The following WDR11 variants were observed in gnomAD, a reference collection of about 807,000 sequenced individuals.
The protein encoded by WDR11 is WD repeat domain 11, also known as WD repeat-containing protein 11.
A neutral mutation model predicts 151.2 loss-of-function variants in WDR11; 83 were observed. The ratio of observed to expected loss-of-function variants is 0.55; its 90% CI spans 0.46 to 0.66. The LOEUF is 0.66. WDR11 is among the 30% of genes least tolerant of loss of function. The pLI is 0.00. For synonymous variants in WDR11, 484 were observed against 533.1 expected, an observed-to-expected ratio of 0.91 and a Z score of 1.27; for missense variants, 1,301 against 1,480.9, an observed-to-expected ratio of 0.88 and a Z score of 1.99.
intron 5 of WDR11, among the ~76,000 whole-genome samples, chr10:120,863,527 A>G (rs1025158851): frequency 2.6e-5 from 4 of 152,248 alleles, no homozygotes; most frequent in Admixed American, 6.5e-5. Flanking sequence ...AATGTCATTG[A>G]TACATAGTAA....
At chr10:120,900,251 C>T (rs756709756) in intron 20 of WDR11, 114 bp downstream of exon 20, 167 of 928,308 alleles carry the variant, frequency 1.8e-4, no homozygotes, top group Middle Eastern at 1.5e-3. Context: ...CCTTTAAAGC[C>T]GAGAGAAGGC....
Position 120,901,057 on chromosome 10 carries a change from A to T in WDR11, c.2646A>T (p.Glu882Asp). Residue 882 changes from glutamate (E) to aspartate (D), a missense_variant, in exon 21 of 29, where the codon GAA becomes GAT. By Grantham distance (45) the Glu-to-Asp change is conservative. Coordinates refer to ENST00000263461, the MANE Select transcript of WDR11 (RefSeq NM_018117.12). The stretch of plus-strand genomic sequence containing the variant: ...ACAGTGACTATCCAGAAAATGAAGA[A>T]ATAAAGAATCTCCTCCAAGAACAGT... ...ISHVDYPENEEIKNLLQEQLN... is the reference protein window; with the variant it reads ...ISHVDYPENEDIKNLLQEQLN... The T allele has an allele frequency of 6.2e-7, 1 of 1,613,052 alleles. No individual in the cohort carries two copies. Among genetic ancestry groups the T allele is most frequent in the South Asian group, 1.1e-5 (1 of 91,048 alleles).
At chr10:120,877,510 T>G (rs1302693555) in intron 11 of WDR11, among the ~76,000 whole-genome samples, 1 of 152,084 alleles carries the variant, frequency 6.6e-6, no homozygotes, top group Non-Finnish European at 1.5e-5. Flanking sequence ...GCTCAGCCAT[T>G]TGGGAGCCTG....
At chr10:120,851,781 C>T (rs995109979) in intron 1 of WDR11, 20 of 542,776 alleles carry the variant, frequency 3.7e-5, no homozygotes, top group Non-Finnish European at 5.6e-5. Context: ...CCGTTCCATT[C>T]CTCTCTCTTT....
At chr10:120,893,631 A>G (rs1258125101) in intron 19 of WDR11, among the ~76,000 whole-genome samples, 11 of 151,326 alleles carry the variant, frequency 7.3e-5, no homozygotes, top group Non-Finnish European at 1.3e-4. Context: ...AGTCCCACCA[A>G]CAGTGTAAAA....
At position 120,860,129 on chromosome 10, in the gene WDR11, C is replaced by G; in HGVS notation, c.373C>G (p.Gln125Glu). 6.2e-7 allele frequency: 1 copy of G among 1,614,168 alleles called. No homozygotes were observed. The highest frequency in any genetic ancestry group is 8.5e-7 in the Non-Finnish European group (1 of 1,180,032). ...TCCAGATGTTCAGTGGTTGTGGAAT[C>G]AAGATGCTTCCCGCGATTTACTGCT... is the stretch of plus-strand genomic sequence containing the variant. ...PIQDVQWLWN[Q>E]DASRDLLLAI... Residue 125 changes from glutamine to glutamate, a missense_variant, in exon 4 of 29, where the codon CAA (glutamine) becomes GAA (glutamate). Physicochemically the swap from Gln to Glu is conservative, Grantham distance 29. This residue lies in a region of WDR11 where 692 missense variants were observed against 762.5 expected (regional missense o/e 0.91). Coordinates refer to ENST00000263461, the MANE Select transcript of WDR11 (RefSeq NM_018117.12).
chr10:120,878,808 T>C lies in WDR11; in HGVS notation c.1663+349T>C, dbSNP rs763694782. Among the ~76,000 whole-genome samples the C allele has an allele frequency of 2.6e-5, 4 of 152,318 alleles. No homozygotes were observed. The South Asian group carries it at 8.3e-4, about 32-fold the overall frequency. On this transcript the variant is annotated intron_variant, in intron 12 of 28. Transcript: ENST00000263461. ...CAATGGACTTTATTAGAGTCTGTGC[T>C]GGAAATTTTGGCTTTTATAGGAAAC...
Position 120,905,027 on chromosome 10 carries a change from T to C in WDR11, c.3193+216T>C, listed in dbSNP as rs10886799. ...GAAAGGGGGCACTGTTAATAATTGC[T>C]GAGATAATAGGCATAAATCCAACAA... On this transcript the variant is annotated intron_variant, in intron 25 of 28. Transcript: ENST00000263461. Among the ~76,000 whole-genome samples the C allele has an allele frequency of 0.65, 98,991 of 152,074 alleles. 33,094 individuals carry two copies. The highest frequency in any genetic ancestry group is 0.82 in the African/African-American group (33,859 of 41,504).
Position 120,860,147 on chromosome 10 carries a change from T to G in WDR11, c.391T>G (p.Leu131Val), listed in dbSNP as rs1425028515. 6.2e-7 allele frequency: 1 copy of G among 1,614,204 alleles called. No individual in the cohort carries two copies. Among genetic ancestry groups the G allele is most frequent in the East Asian group, 2.2e-5 (1 of 44,872 alleles). ...GTGGAATCAAGATGCTTCCCGCGAT[T>G]TACTGCTTGCTATCCACCCGCCAAA... ...WLWNQDASRD[L>V]LLAIHPPNYI... is the part of the protein sequence containing the mutation. Residue 131 changes from leucine to valine, a missense_variant, in exon 4 of 29, where the codon TTA (leucine) becomes GTA (valine). Leu to Val is a conservative substitution (Grantham distance 32). This residue lies in a region of WDR11 where 692 missense variants were observed against 762.5 expected (regional missense o/e 0.91). Coordinates refer to ENST00000263461, the MANE Select transcript of WDR11 (RefSeq NM_018117.12).
chr10:120,902,344 T>G, intron 22 of WDR11, 22 bp downstream of exon 22: 1 of 1,602,176 alleles, frequency 6.2e-7, no homozygotes, highest in Admixed American at 1.7e-5. Context: ...TGATGTATTC[T>G]GTATAAGAGA....
Position 120,886,744 on chromosome 10 carries a change from G to A in WDR11, c.2029G>A (p.Glu677Lys). The A allele has an allele frequency of 6.2e-7, 1 of 1,613,970 alleles. No individual in the cohort carries two copies. The highest frequency in any genetic ancestry group is 8.5e-7 in the Non-Finnish European group (1 of 1,179,952). ...SELSQNISAR[E>K]HFVFTDIDGQ... Reference sequence around the variant, plus strand: ...ACTTAGTCAGAACATCTCTGCCCGGGAACATTTTGTATTTACCGATATTGA... The same window carrying A: ...ACTTAGTCAGAACATCTCTGCCCGGAAACATTTTGTATTTACCGATATTGA... The change falls in exon 16 of 29, where the codon GAA becomes AAA. Residue 677 changes from glutamate to lysine, a missense_variant. Transcript: ENST00000263461.
At chr10:120,870,946 A>C (rs1846515287) in intron 9 of WDR11, among the ~76,000 whole-genome samples, 1 of 152,182 alleles carries the variant, frequency 6.6e-6, no homozygotes, top group Non-Finnish European at 1.5e-5. Context: ...TCTGGATAGC[A>C]GGACTCGGGA....
intron 12 of WDR11, chr10:120,879,648 G>T (rs1846927824): frequency 6.6e-6 from 1 of 152,172 alleles, no homozygotes; most frequent in East Asian, 1.9e-4. Context: ...TGGGATATTT[G>T]AGTTCATAGA....
intron 21 of WDR11, among the ~76,000 whole-genome samples, chr10:120,902,017 T>C (rs1002127892): frequency 3.9e-5 from 6 of 152,240 alleles, no homozygotes; most frequent in African/African-American, 1.4e-4. Context: ...AAACCAGAAA[T>C]GAGAGCGCTG....
intron 9 of WDR11, among the ~76,000 whole-genome samples, chr10:120,869,380 T>C (rs1377984321): frequency 6.6e-6 from 1 of 152,174 alleles, no homozygotes; most frequent in Non-Finnish European, 1.5e-5. Flanking sequence ...CCCAAAGTGC[T>C]GGGATTACAG....
intron 9 of WDR11, among the ~76,000 whole-genome samples, chr10:120,869,881 C>T (rs12355674): frequency 0.31 from 47,126 of 151,890 alleles, 7,602 homozygotes; most frequent in East Asian, 0.42. Context: ...CCTCCACCTC[C>T]CGAGTTCAAG....
chr10:120,870,849 C>G (rs1320565614), intron 9 of WDR11, among the ~76,000 whole-genome samples: 2 of 152,182 alleles, frequency 1.3e-5, no homozygotes, highest in East Asian at 3.9e-4. Context: ...TGCAAGTTCT[C>G]TTGCTTTGTT....
chr10:120,904,691 C>T lies in WDR11; in HGVS notation c.3073C>T (p.Gln1025Ter), dbSNP rs1350359579. 6.2e-7 allele frequency: 1 copy of T among 1,614,150 alleles called. No individual in the cohort carries two copies. Among genetic ancestry groups the T allele is most frequent in the Admixed American group, 1.7e-5 (1 of 60,014 alleles). The stretch of plus-strand genomic sequence containing the variant: ...GCTGTTGGAAACAAGTGCAGATAAC[C>T]AGCATTATTACTGTGATTCACTGAA... The part of the protein sequence containing the change: ...QLLLETSADN[Q>*]HYYCDSLKAC... Residue 1025 changes from glutamine to a stop codon, truncating the protein, a stop_gained, in exon 25 of 29, where the codon CAG becomes TAG. Coordinates refer to ENST00000263461, the MANE Select transcript of WDR11 (RefSeq NM_018117.12). LOFTEE classifies it high-confidence loss of function.
chr10:120,880,167 C>T (rs1166291764), intron 12 of WDR11: 1 of 152,068 alleles, frequency 6.6e-6, no homozygotes, highest in Non-Finnish European at 1.5e-5. Context: ...GTTTTCGCAC[C>T]AGACAATTGC....
Sources: gnomAD v4.1 joint callset for allele counts (sites outside exome capture counted in the v4.1 genomes callset) on GRCh38, gnomAD v4.1.1 for gene constraint, gnomAD v4.1.1 regional missense constraint, MANE v1.5 for transcripts, NCBI Gene and HGNC (gene_info 2026-07-23, HGNC 2026-07-21) for gene names.